MICAL3: variants seen among roughly 807,000 people sequenced by gnomAD.
MICAL3 encodes microtubule associated monooxygenase, calponin and LIM domain containing 3, also known as [F-actin]-monooxygenase MICAL3.
A neutral mutation model predicts 207.4 loss-of-function variants in MICAL3; 62 were observed. The observed-to-expected ratio is 0.30, with a 90% CI of 0.24 to 0.37. The LOEUF (loss-of-function observed/expected upper bound fraction) is 0.37, where lower values mean the gene tolerates loss of function less well. Among genes scored for constraint, MICAL3 ranks in the 10% least tolerant of loss-of-function variants. MICAL3 has a pLI of 1.00. For synonymous variants in MICAL3, 1,077 were observed against 1,069.3 expected, an observed-to-expected ratio of 1.01 and a Z score of -0.14; for missense variants, 2,368 against 2,635.6, an observed-to-expected ratio of 0.90 and a Z score of 2.22.
intron 3 of MICAL3, among the ~76,000 whole-genome samples, chr22:17,903,146 A>G (rs1030466817): frequency 6.6e-6 from 1 of 152,226 alleles, no homozygotes; most frequent in East Asian, 1.9e-4. Flanking sequence ...GGTCAGATGC[A>G]GAGCTGCTGC....
At chr22:17,966,195 A>G (rs2146397385) in intron 1 of MICAL3, among the ~76,000 whole-genome samples, 1 of 152,120 alleles carries the variant, frequency 6.6e-6, no homozygotes, top group South Asian at 2.1e-4. Context: ...CCTCCCATCG[A>G]ATTTCCAGTC....
At chr22:17,807,522 G>T (rs1394628247) in intron 29 of MICAL3, among the ~76,000 whole-genome samples, 1 of 152,210 alleles carries the variant, frequency 6.6e-6, no homozygotes, top group African/African-American at 2.4e-5. Context: ...ACAGCATCAG[G>T]TGAGCCCAAA....
At chr22:17,813,221 G>A (rs2062067222) in intron 27 of MICAL3, 1 of 152,250 alleles carries the variant, frequency 6.6e-6, no homozygotes, top group South Asian at 2.1e-4. Flanking sequence ...ACCTTGTGCA[G>A]AGCCGCTCTG....
chr22:17,897,449 G>A (rs981810152), intron 7 of MICAL3, among the ~76,000 whole-genome samples: 1 of 149,912 alleles, frequency 6.7e-6, no homozygotes, highest in African/African-American at 2.5e-5. Flanking sequence ...AAAAAAAGAG[G>A]GGTTTGGGGG....
intron 1 of MICAL3, among the ~76,000 whole-genome samples, chr22:18,002,146 C>A (rs530782502): frequency 6.6e-6 from 1 of 151,974 alleles, no homozygotes; most frequent in South Asian, 2.1e-4. Context: ...TGCAGTGAGC[C>A]GAGATGGTGC....
chr22:17,853,460 T>C (rs1925555006), intron 19 of MICAL3, among the ~76,000 whole-genome samples: 1 of 152,232 alleles, frequency 6.6e-6, no homozygotes, highest in African/African-American at 2.4e-5. Context: ...TAGAAATGAT[T>C]CTAATTCACC....
At chr22:17,877,121 GGTTAT>G in intron 16 of MICAL3, among the ~76,000 whole-genome samples, 1 of 107,972 alleles carries the variant, frequency 9.3e-6, no homozygotes, top group East Asian at 2.5e-4. Flanking sequence ...AGGTTAGGGA[GGTTAT>G]GGAGGTTAGG....
At chr22:17,865,170 G>A (rs1569102205) in intron 18 of MICAL3, among the ~76,000 whole-genome samples, 184 bp from the exon 19 acceptor site, 1 of 151,656 alleles carries the variant, frequency 6.6e-6, no homozygotes, top group Non-Finnish European at 1.5e-5. Context: ...GAGTGCAGCG[G>A]CATCATCATA....
chr22:17,952,809 A>C (rs937025286), intron 1 of MICAL3, among the ~76,000 whole-genome samples: 3 of 152,166 alleles, frequency 2.0e-5, no homozygotes, highest in African/African-American at 7.2e-5. Flanking sequence ...TGGGACTTGG[A>C]GCCTCGGTTC....
chr22:17,928,162 G>A (rs764225213), intron 1 of MICAL3, among the ~76,000 whole-genome samples: 10 of 152,246 alleles, frequency 6.6e-5, no homozygotes, highest in South Asian at 2.1e-4. Context: ...TCCGTGGGCC[G>A]GGCGCGGTGG....
At chr22:17,897,128 CG>C (rs144062161) in intron 7 of MICAL3, 147 bp from the exon 8 acceptor site, 31 of 838,516 alleles carry the variant, frequency 3.7e-5, no homozygotes, top group Non-Finnish European at 5.3e-5. Context: ...TTAAAATGGG[CG>C]GGGGGAAAGG....
chr22:17,905,851 C>T (rs1381480236), intron 2 of MICAL3, among the ~76,000 whole-genome samples: 6 of 152,116 alleles, frequency 3.9e-5, no homozygotes, highest in Non-Finnish European at 8.8e-5. Flanking sequence ...TCGTGGAAAC[C>T]CCATTTCTCC....
At chr22:17,920,000 G>C (rs993038668) in intron 1 of MICAL3, among the ~76,000 whole-genome samples, 8 of 152,214 alleles carry the variant, frequency 5.3e-5, no homozygotes, top group African/African-American at 1.9e-4. Flanking sequence ...TTACCTGTAT[G>C]GCTAACATCT....
chr22:17,806,037 T>C (rs1004220960), intron 29 of MICAL3, among the ~76,000 whole-genome samples: 1 of 152,098 alleles, frequency 6.6e-6, no homozygotes, highest in Non-Finnish European at 1.5e-5. Context: ...GCCCAAATGT[T>C]TTATATGCCA....
At chr22:17,918,501 C>T (rs1932681969) in intron 1 of MICAL3, among the ~76,000 whole-genome samples, 1 of 151,696 alleles carries the variant, frequency 6.6e-6, no homozygotes, top group Non-Finnish European at 1.5e-5. Context: ...CCTGCCTGCT[C>T]TGTCTGCAGC....
chr22:17,995,491 A>ATTTTTTTTT, intron 1 of MICAL3, among the ~76,000 whole-genome samples: 1 of 77,594 alleles, frequency 1.3e-5, no homozygotes, highest in Non-Finnish European at 2.3e-5. Flanking sequence ...CTTTTCTTTA[A>ATTTTTTTTT]TTTTTTTTTT....
chr22:17,938,185 G>C (rs1400152724), intron 1 of MICAL3, among the ~76,000 whole-genome samples: 1 of 152,128 alleles, frequency 6.6e-6, no homozygotes, highest in Non-Finnish European at 1.5e-5. Flanking sequence ...GGATAACAGG[G>C]TAATTAAGTT....
chr22:17,830,082 A>T (rs1358580158), intron 21 of MICAL3, among the ~76,000 whole-genome samples: 2 of 152,100 alleles, frequency 1.3e-5, no homozygotes, highest in Non-Finnish European at 2.9e-5. Context: ...AATGTCCTCA[A>T]ATCTTCTTCC....
intron 1 of MICAL3, among the ~76,000 whole-genome samples, chr22:17,934,097 G>GTT: frequency 6.6e-6 from 1 of 152,266 alleles, no homozygotes; most frequent in Admixed American, 6.5e-5. Flanking sequence ...AACAGAAAAA[G>GTT]AGGGAATCCT....
Sources: gnomAD v4.1 joint callset for allele counts (sites outside exome capture counted in the v4.1 genomes callset) on GRCh38, gnomAD v4.1.1 for gene constraint, MANE v1.5 for transcripts, NCBI Gene and HGNC (gene_info 2026-07-23, HGNC 2026-07-21) for gene names.